Variants in YPEL2 observed in about 807,000 individuals in gnomAD.
The protein encoded by YPEL2 is yippee like 2, also known as protein yippee-like 2.
A neutral mutation model predicts 19.1 loss-of-function variants in YPEL2; 2 were observed. The observed-to-expected ratio is 0.10, with a 90% CI of 0.04 to 0.33. YPEL2 has a LOEUF of 0.33. Ranked by LOEUF, YPEL2 falls within the 10% of genes least tolerant of loss-of-function variation. The probability of loss-of-function intolerance (pLI) is 1.00; values close to 1 mark genes in which losing one functional copy is unlikely to be tolerated. For missense variants in YPEL2, 66 were observed against 140.7 expected (o/e 0.47, Z 2.68); for synonymous variants, 52 against 50.0 (o/e 1.04, Z -0.17).
At chr17:59,373,659 C>G (rs1184945681) in intron 2 of YPEL2, among the ~76,000 whole-genome samples, 1 of 152,166 alleles carries the variant, frequency 6.6e-6, no homozygotes, top group Non-Finnish European at 1.5e-5. Flanking sequence ...CTTCATGTGG[C>G]CCTATCACAA....
intron 1 of YPEL2, among the ~76,000 whole-genome samples, chr17:59,343,450 A>C (rs1408644676): frequency 6.6e-6 from 1 of 152,184 alleles, no homozygotes; most frequent in Admixed American, 6.5e-5. Flanking sequence ...ACAGTGTGAT[A>C]AAATGCCATT....
intron 1 of YPEL2, among the ~76,000 whole-genome samples, chr17:59,341,517 G>A (rs1490195357): frequency 6.6e-6 from 1 of 152,094 alleles, no homozygotes; most frequent in Non-Finnish European, 1.5e-5. Context: ...AAATTAGCCG[G>A]GTGTGGTGGC....
chr17:59,374,522 A>G (rs1010349444), intron 2 of YPEL2, among the ~76,000 whole-genome samples: 1 of 152,222 alleles, frequency 6.6e-6, no homozygotes, highest in African/African-American at 2.4e-5. Flanking sequence ...ATGTTGGACA[A>G]CTGCCACAGC....
At chr17:59,377,150 TAAG>T (rs1412144676) in intron 2 of YPEL2, among the ~76,000 whole-genome samples, 1 of 152,144 alleles carries the variant, frequency 6.6e-6, no homozygotes. Context: ...CTTTGAAGTA[TAAG>T]AACATTTTCA....
chr17:59,393,709 ATGACTC>A (rs2048020856), intron 4 of YPEL2, among the ~76,000 whole-genome samples: 1 of 147,796 alleles, frequency 6.8e-6, no homozygotes, highest in Non-Finnish European at 1.5e-5. Flanking sequence ...GGGAGTGGTG[ATGACTC>A]TTAACGAGCA....
At chr17:59,372,501 T>C (rs1433454719) in intron 2 of YPEL2, among the ~76,000 whole-genome samples, 1 of 152,226 alleles carries the variant, frequency 6.6e-6, no homozygotes, top group Non-Finnish European at 1.5e-5. Context: ...GGAATTTGCA[T>C]GGAAACACCC....
intron 4 of YPEL2, among the ~76,000 whole-genome samples, chr17:59,392,371 T>TG (rs1427084157): frequency 6.6e-6 from 1 of 152,196 alleles, no homozygotes; most frequent in Non-Finnish European, 1.5e-5. Context: ...ACAGTCATGA[T>TG]GCCAGCTGAG....
intron 2 of YPEL2, among the ~76,000 whole-genome samples, chr17:59,359,863 G>A (rs1053725621): frequency 2.0e-5 from 3 of 152,178 alleles, no homozygotes; most frequent in Non-Finnish European, 2.9e-5. Context: ...GCTCTAGTGG[G>A]TGCCTCTGCC....
In YPEL2 at chr17:59,389,364, A is replaced by C; in HGVS notation, c.166A>C (p.Asn56His). Residue 56 changes from asparagine to histidine, a missense_variant, in exon 4 of 5, where the codon AAT becomes CAT. Asn to His is a moderately conservative substitution (Grantham distance 68). Transcript: ENST00000312655. ...GRAYLFNSVV[N>H]VGCGPAEERV... is the part of the protein sequence containing the mutation. Reference sequence around the variant, plus strand: ...TCTTCTTGTGCCTCGACATAGAGTTAATGTGGGCTGTGGGCCTGCAGAAGA... The same window carrying C: ...TCTTCTTGTGCCTCGACATAGAGTTCATGTGGGCTGTGGGCCTGCAGAAGA... The C allele has an allele frequency of 6.2e-7, 1 of 1,613,754 alleles. No homozygotes were observed.
intron 2 of YPEL2, among the ~76,000 whole-genome samples, chr17:59,382,068 C>T (rs2047952261): frequency 6.6e-6 from 1 of 152,202 alleles, no homozygotes. Flanking sequence ...CTGTTTTTCT[C>T]ATCATAAATG....
chr17:59,349,128 G>C (rs1266209703), intron 1 of YPEL2, among the ~76,000 whole-genome samples: 3 of 142,194 alleles, frequency 2.1e-5, no homozygotes, highest in Admixed American at 7.2e-5. Context: ...GAGCCGAGAT[G>C]GCGCCACTGC....
At chr17:59,373,411 G>A (rs2047906173) in intron 2 of YPEL2, among the ~76,000 whole-genome samples, 1 of 152,148 alleles carries the variant, frequency 6.6e-6, no homozygotes, top group Non-Finnish European at 1.5e-5. Context: ...GCCCTCTGCT[G>A]TGATCAGCCC....
chr17:59,376,955 A>C (rs1218744056), intron 2 of YPEL2, among the ~76,000 whole-genome samples: 1 of 145,170 alleles, frequency 6.9e-6, no homozygotes, highest in Non-Finnish European at 1.5e-5. Flanking sequence ...GTCTCAAAAA[A>C]AAAAAAAAAA....
intron 1 of YPEL2, among the ~76,000 whole-genome samples, chr17:59,347,653 A>G (rs947835006): frequency 2.0e-5 from 3 of 152,216 alleles, no homozygotes; most frequent in Non-Finnish European, 2.9e-5. Context: ...AAGGACCTCA[A>G]TACTAACGCA....
intron 4 of YPEL2, among the ~76,000 whole-genome samples, chr17:59,392,235 G>A (rs1389929381): frequency 6.6e-6 from 1 of 152,058 alleles, no homozygotes; most frequent in Non-Finnish European, 1.5e-5. Flanking sequence ...AGCCTGAGTT[G>A]GTTGGTTTTG....
At chr17:59,394,638 CA>C (rs2048028657) in intron 4 of YPEL2, among the ~76,000 whole-genome samples, 1 of 151,284 alleles carries the variant, frequency 6.6e-6, no homozygotes, top group Admixed American at 6.6e-5. Context: ...CCTCACATCC[CA>C]GACGATGGGC....
At chr17:59,395,156 C>T (rs111274970) in intron 4 of YPEL2, among the ~76,000 whole-genome samples, 1 of 152,222 alleles carries the variant, frequency 6.6e-6, no homozygotes, top group Admixed American at 6.5e-5. Flanking sequence ...AAACACATTA[C>T]CGTGGAACAA....
At chr17:59,361,640 G>A (rs1006262642) in intron 2 of YPEL2, among the ~76,000 whole-genome samples, 28 of 152,162 alleles carry the variant, frequency 1.8e-4, no homozygotes, top group Admixed American at 1.2e-3. Context: ...ATCTGGGTCC[G>A]TGGACTGGCT....
At chr17:59,370,682 G>A (rs1598042347) in intron 2 of YPEL2, among the ~76,000 whole-genome samples, 1 of 152,142 alleles carries the variant, frequency 6.6e-6, no homozygotes, top group Non-Finnish European at 1.5e-5. Context: ...TGGCACCCCA[G>A]ATTGCTTCGG....
Sources: allele counts gnomAD v4.1 joint callset (sites outside exome capture counted in the v4.1 genomes callset), GRCh38; gene constraint gnomAD v4.1.1; transcripts MANE v1.5; gene names NCBI Gene and HGNC (gene_info 2026-07-23, HGNC 2026-07-21).